Variants in LZTFL1 observed in about 807,000 individuals in gnomAD.
LZTFL1 encodes leucine zipper transcription factor-like protein 1.
LZTFL1 carries 25 observed loss-of-function variants against 45.9 expected under a neutral mutation model. That is an observed-to-expected ratio of 0.54 (90% CI 0.40 to 0.76). LZTFL1 has a LOEUF of 0.76. Ranked by LOEUF, LZTFL1 falls within the 30% of genes least tolerant of loss-of-function variation. The probability of loss-of-function intolerance (pLI) is 0.00; values close to 1 mark genes in which losing one functional copy is unlikely to be tolerated. For synonymous variants in LZTFL1, 93 were observed against 117.4 expected, an observed-to-expected ratio of 0.79 and a Z score of 1.35; for missense variants, 277 against 331.1, an observed-to-expected ratio of 0.84 and a Z score of 1.27.
At chr3:45,839,045 T>C (rs1267145718) in intron 1 of LZTFL1, among the ~76,000 whole-genome samples, 3 of 152,208 alleles carry the variant, frequency 2.0e-5, no homozygotes, top group Admixed American at 6.5e-5. Flanking sequence ...AATTTAGAAA[T>C]ATCACAAAAC....
intron 7 of LZTFL1, among the ~76,000 whole-genome samples, chr3:45,830,426 G>C (rs1246463920): frequency 6.6e-6 from 1 of 152,128 alleles, no homozygotes; most frequent in Non-Finnish European, 1.5e-5. Flanking sequence ...GGCGGGTACA[G>C]ACGCATCTGC....
chr3:45,841,539 T>C lies in LZTFL1; in HGVS notation c.3+450A>G, dbSNP rs140275897. Among the ~76,000 whole-genome samples, 163 of 152,060 alleles carry C rather than the reference T, an allele frequency of 1.1e-3. 3 individuals carry two copies. The East Asian group carries it at 0.025, about 23-fold the overall frequency. ...CTCCTCTGGTTACCGCGCGCGCGCG[T>C]GTGTCTGTGTAAACCTTAGAGCTTC... On this transcript the variant is annotated intron_variant, in intron 1 of 9. Coordinates refer to ENST00000296135, the MANE Select transcript of LZTFL1 (RefSeq NM_020347.4).
At chr3:45,877,443 G>A (rs1355107432) in intron 2 of LZTFL1, among the ~76,000 whole-genome samples, 2 of 151,702 alleles carry the variant, frequency 1.3e-5, no homozygotes, top group Admixed American at 6.6e-5. Context: ...CATGTTGGTC[G>A]GGCTGGTCTC....
At chr3:45,914,701 C>A (rs1215106345) in intron 1 of LZTFL1, among the ~76,000 whole-genome samples, 4 of 152,190 alleles carry the variant, frequency 2.6e-5, no homozygotes, top group Non-Finnish European at 2.9e-5. Flanking sequence ...CAAAACTGAG[C>A]CCTGGGTGAG....
chr3:45,892,194 T>C (rs1465881770), intron 2 of LZTFL1, among the ~76,000 whole-genome samples: 2 of 152,192 alleles, frequency 1.3e-5, no homozygotes, highest in African/African-American at 4.8e-5. Flanking sequence ...CATATACATA[T>C]ACAAATTGTC....
upstream of LZTFL1, among the ~76,000 whole-genome samples, chr3:45,846,881 C>G (rs1363021438): frequency 6.6e-6 from 1 of 151,910 alleles, no homozygotes; most frequent in Non-Finnish European, 1.5e-5. Context: ...TTTTGTTTAT[C>G]TAAAAATGTT....
chr3:45,829,193 C>T (rs1462851335), intron 7 of LZTFL1, among the ~76,000 whole-genome samples: 2 of 152,132 alleles, frequency 1.3e-5, no homozygotes, highest in Non-Finnish European at 2.9e-5. Context: ...ATAAGACAGG[C>T]ACTGGATCTT....
chr3:45,855,832 A>G (rs1701384157), intron 3 of LZTFL1, among the ~76,000 whole-genome samples: 1 of 152,194 alleles, frequency 6.6e-6, no homozygotes, highest in South Asian at 2.1e-4. Context: ...ACCTAGGAAT[A>G]CAGAAAACAA....
chr3:45,907,626 C>T (rs947899633), intron 2 of LZTFL1, among the ~76,000 whole-genome samples: 8 of 152,188 alleles, frequency 5.3e-5, no homozygotes, highest in Admixed American at 2.0e-4. Flanking sequence ...TGATGTGGCT[C>T]GCTGCGTGGG....
intron 3 of LZTFL1, chr3:45,835,298 T>A (rs1467259555): frequency 3.0e-6 from 1 of 335,192 alleles, no homozygotes; most frequent in African/African-American, 2.1e-5. Flanking sequence ...CTGATGGTAA[T>A]ACTGACCAAG....
chr3:45,831,212 T>C, intron 5 of LZTFL1, 74 bp from the exon 6 acceptor site: 1 of 830,992 alleles, frequency 1.2e-6, no homozygotes, highest in Non-Finnish European at 1.8e-6. Flanking sequence ...TTGTTTCACT[T>C]AAAAATCTAA....
chr3:45,858,727 T>C (rs1435280194), intron 3 of LZTFL1, among the ~76,000 whole-genome samples: 1 of 152,246 alleles, frequency 6.6e-6, no homozygotes, highest in African/African-American at 2.4e-5. Flanking sequence ...AATCTGAACT[T>C]GTATCTCATT....
At chr3:45,837,656 A>C (rs553163460) in intron 2 of LZTFL1, among the ~76,000 whole-genome samples, 1 of 152,350 alleles carries the variant, frequency 6.6e-6, no homozygotes, top group Non-Finnish European at 1.5e-5. Context: ...TCATTAATCC[A>C]CAAACCCTTG....
At position 45,834,301 on chromosome 3, in the gene LZTFL1, TGAA is replaced by T. The variant is rs986043809; in HGVS notation, c.324-6_324-4del. On this transcript the variant is annotated splice_polypyrimidine_tract_variant and splice_region_variant and intron_variant, in intron 3 of 9. Coordinates refer to ENST00000296135, the MANE Select transcript of LZTFL1 (RefSeq NM_020347.4). Reference sequence around the variant, plus strand: ...CTGCAACTTGTTCTAATAATTCTCTTGAAGAAGAAAGCAAAGATAAAAATTATT... The same window carrying T: ...CTGCAACTTGTTCTAATAATTCTCTTGAAGAAAGCAAAGATAAAAATTATT... 3 of 1,558,770 alleles carry T rather than the reference TGAA, an allele frequency of 1.9e-6. No individual in the cohort carries two copies. The African/African-American group carries it at 4.1e-5, about 21-fold the overall frequency.
At chr3:45,915,454 G>C (rs942461985) in exon 1 of LZTFL1, 10 of 453,588 alleles carry the variant, frequency 2.2e-5, no homozygotes, top group African/African-American at 2.0e-4. Context: ...CCCAGAAATG[G>C]CTTCCTTCTC....
intron 2 of LZTFL1, among the ~76,000 whole-genome samples, chr3:45,905,206 G>A (rs1352232554): frequency 6.6e-6 from 1 of 152,090 alleles, no homozygotes; most frequent in Non-Finnish European, 1.5e-5. Flanking sequence ...TCCCCTCCCA[G>A]CCAAGACACA....
intron 2 of LZTFL1, among the ~76,000 whole-genome samples, chr3:45,878,275 T>C (rs1261444530): frequency 6.6e-6 from 1 of 152,214 alleles, no homozygotes; most frequent in Non-Finnish European, 1.5e-5. Flanking sequence ...AGCTTTCCTC[T>C]GGGTCTCCCT....
chr3:45,858,657 A>G (rs1296533162), intron 3 of LZTFL1, among the ~76,000 whole-genome samples: 1 of 152,242 alleles, frequency 6.6e-6, no homozygotes, highest in African/African-American at 2.4e-5. Flanking sequence ...AGCTATAGAC[A>G]CAACTGTTTT....
intron 4 of LZTFL1, among the ~76,000 whole-genome samples, chr3:45,851,849 T>C (rs1701315343): frequency 6.6e-6 from 1 of 151,384 alleles, no homozygotes; most frequent in Non-Finnish European, 1.5e-5. Context: ...CATTTTTTTT[T>C]TGTTCTTGTT....
Sources: allele counts gnomAD v4.1 joint callset (sites outside exome capture counted in the v4.1 genomes callset), GRCh38; gene constraint gnomAD v4.1.1; transcripts MANE v1.5; gene names NCBI Gene and HGNC (gene_info 2026-07-23, HGNC 2026-07-21).